HS3ST2: variants seen among roughly 807,000 people sequenced by gnomAD.
HS3ST2 encodes the protein heparan sulfate glucosamine 3-O-sulfotransferase 2.
Under a neutral mutation model 26.3 loss-of-function variants are expected in HS3ST2, and 17 were observed. The observed-to-expected ratio is 0.65, with a 90% CI of 0.44 to 0.97. The LOEUF (loss-of-function observed/expected upper bound fraction) is 0.97, where lower values mean the gene tolerates loss of function less well. Ranked by LOEUF, HS3ST2 falls within the 50% of genes least tolerant of loss-of-function variation. The pLI is 0.00. For missense variants in HS3ST2, 402 were observed against 501.2 expected (o/e 0.80, Z 1.89); for synonymous variants, 237 against 219.2 (o/e 1.08, Z -0.72).
At chr16:22,914,838 A>G in intron 1 of HS3ST2, 106 bp from the exon 2 acceptor site, 1 of 1,098,364 alleles carries the variant, frequency 9.1e-7, no homozygotes, top group Non-Finnish European at 1.3e-6. Context: ...AACAGAGGCC[A>G]GGAGGAGGAT....
intron 1 of HS3ST2, among the ~76,000 whole-genome samples, chr16:22,893,942 A>G (rs1902169698): frequency 6.6e-6 from 1 of 151,830 alleles, no homozygotes; most frequent in Non-Finnish European, 1.5e-5. Context: ...CCATGCCACC[A>G]TGCCTGGCTA....
chr16:22,829,632 T>G (rs1369408169), intron 1 of HS3ST2, among the ~76,000 whole-genome samples: 1 of 152,100 alleles, frequency 6.6e-6, no homozygotes, highest in African/African-American at 2.4e-5. Flanking sequence ...ATCTGCCCTC[T>G]TATGACTCTG....
intron 1 of HS3ST2, among the ~76,000 whole-genome samples, chr16:22,864,082 T>C (rs1901715728): frequency 6.6e-6 from 1 of 152,208 alleles, no homozygotes; most frequent in South Asian, 2.1e-4. Context: ...TCACCCACCC[T>C]GGACAATTGG....
At chr16:22,863,465 A>G (rs573947896) in intron 1 of HS3ST2, among the ~76,000 whole-genome samples, 1 of 152,304 alleles carries the variant, frequency 6.6e-6, no homozygotes, top group Admixed American at 6.5e-5. Flanking sequence ...CAGGAGGTGC[A>G]CGTACAGGTT....
intron 1 of HS3ST2, among the ~76,000 whole-genome samples, chr16:22,865,149 A>G (rs1448942415): frequency 1.3e-5 from 2 of 152,010 alleles, no homozygotes; most frequent in African/African-American, 2.4e-5. Flanking sequence ...AATTGCACTT[A>G]TTAAAAGTTG....
intron 1 of HS3ST2, among the ~76,000 whole-genome samples, chr16:22,896,634 C>T (rs915562456): frequency 9.2e-5 from 14 of 152,316 alleles, no homozygotes; most frequent in African/African-American, 3.1e-4. Flanking sequence ...TTTTTGACAT[C>T]GCTAATTCTG....
intron 1 of HS3ST2, among the ~76,000 whole-genome samples, chr16:22,857,302 C>G (rs548127013): frequency 6.6e-6 from 1 of 152,176 alleles, no homozygotes; most frequent in African/African-American, 2.4e-5. Flanking sequence ...TCTTTCCACA[C>G]GTATGTTACC....
chr16:22,820,828 T>C lies in HS3ST2; in HGVS notation c.485+5733T>C, dbSNP rs539739491. Among the ~76,000 whole-genome samples, 16 of 152,378 alleles carry C rather than the reference T, an allele frequency of 1.1e-4. No individual in the cohort carries two copies. In the East Asian group the frequency reaches 3.1e-3, roughly 29 times the overall value. ...AGCTACACACATTGTTAAGCCTGTT[T>C]TGGATGTTAACGTGTGAAAATACCA... On this transcript the variant is annotated intron_variant, in intron 1 of 1. Coordinates refer to ENST00000261374, the MANE Select transcript of HS3ST2 (RefSeq NM_006043.2).
In HS3ST2 at chr16:22,906,573, G is replaced by A. The variant is rs149235553; in HGVS notation, c.486-8371G>A. On this transcript the variant is annotated intron_variant, in intron 1 of 1. Transcript: ENST00000261374. ...TTGGGCTAGAGACAGTGTACAGGTG[G>A]CAAAACAGAAATGGCATGAGACGTT... Among the ~76,000 whole-genome samples, 960 of 152,252 alleles carry A rather than the reference G, an allele frequency of 6.3e-3. 12 individuals carry two copies. The highest frequency in any genetic ancestry group is 0.01 in the Non-Finnish European group (701 of 68,014).
At chr16:22,860,914 C>T (rs1454754135) in intron 1 of HS3ST2, among the ~76,000 whole-genome samples, 1 of 151,184 alleles carries the variant, frequency 6.6e-6, no homozygotes, top group Non-Finnish European at 1.5e-5. Context: ...AGTTTGTCGC[C>T]CAGGCTGGAG....
chr16:22,835,180 AT>A (rs142755442), intron 1 of HS3ST2, among the ~76,000 whole-genome samples: 26 of 149,810 alleles, frequency 1.7e-4, no homozygotes, highest in Non-Finnish European at 3.3e-4. Flanking sequence ...CATTTTGTTC[AT>A]TTTTTTTTGT....
At chr16:22,913,895 A>T (rs1902456514) in intron 1 of HS3ST2, among the ~76,000 whole-genome samples, 1 of 151,950 alleles carries the variant, frequency 6.6e-6, no homozygotes. Flanking sequence ...CCAGCTGCTC[A>T]GGAGGCTGAG....
intron 1 of HS3ST2, among the ~76,000 whole-genome samples, chr16:22,864,320 T>A (rs901800145): frequency 2.0e-4 from 31 of 152,330 alleles, no homozygotes; most frequent in Middle Eastern, 3.4e-3. Context: ...GAGGGTTGAT[T>A]ATCAAGTTCC....
intron 1 of HS3ST2, among the ~76,000 whole-genome samples, chr16:22,888,245 C>T (rs901039780): frequency 2.0e-5 from 3 of 152,162 alleles, no homozygotes; most frequent in Admixed American, 2.0e-4. Context: ...TCTGAACACT[C>T]CCTAAACCAG....
At chr16:22,859,168 A>G (rs965457750) in intron 1 of HS3ST2, among the ~76,000 whole-genome samples, 18 of 152,130 alleles carry the variant, frequency 1.2e-4, no homozygotes, top group African/African-American at 4.1e-4. Flanking sequence ...CCTGCCTCCA[A>G]ACAAATAAAC....
At chr16:22,874,198 C>G (rs1411999292) in intron 1 of HS3ST2, among the ~76,000 whole-genome samples, 1 of 150,486 alleles carries the variant, frequency 6.6e-6, no homozygotes, top group Admixed American at 6.6e-5. Flanking sequence ...GAAAACTGTT[C>G]CTTCAACTTC....
At chr16:22,835,024 G>C (rs375726281) in intron 1 of HS3ST2, among the ~76,000 whole-genome samples, 5 of 152,040 alleles carry the variant, frequency 3.3e-5, no homozygotes, top group African/African-American at 1.2e-4. Context: ...TTATCTTTTA[G>C]TGTTTTATTA....
chr16:22,832,151 C>CTTT (rs71151684), intron 1 of HS3ST2, among the ~76,000 whole-genome samples: 26 of 115,476 alleles, frequency 2.3e-4, no homozygotes, highest in African/African-American at 6.1e-4. Context: ...CCCAGCTGAT[C>CTTT]TTTTTTTTTT....
intron 1 of HS3ST2, among the ~76,000 whole-genome samples, chr16:22,890,225 A>G (rs993513724): frequency 6.6e-6 from 1 of 152,214 alleles, no homozygotes; most frequent in Non-Finnish European, 1.5e-5. Flanking sequence ...GAGATATGAG[A>G]GATGCCATTT....
Sources: allele counts gnomAD v4.1 joint callset (sites outside exome capture counted in the v4.1 genomes callset), GRCh38; gene constraint gnomAD v4.1.1; transcripts MANE v1.5; gene names NCBI Gene and HGNC (gene_info 2026-07-23, HGNC 2026-07-21).